Variants in SPEN observed in about 807,000 individuals in gnomAD.
The protein encoded by SPEN is spen family transcriptional repressor.
SPEN carries 18 observed loss-of-function variants against 269.9 expected under a neutral mutation model. The observed-to-expected ratio is 0.07, with a 90% CI of 0.05 to 0.10. The LOEUF is 0.10. Ranked by LOEUF, SPEN falls within the 10% of genes least tolerant of loss-of-function variation. The pLI is 1.00. For synonymous variants in SPEN, 1,726 were observed against 1,765.7 expected, an observed-to-expected ratio of 0.98 and a Z score of 0.56; for missense variants, 3,822 against 4,631.2, an observed-to-expected ratio of 0.83 and a Z score of 5.07.
chr1:15,935,708 C>G lies in SPEN; in HGVS notation c.9468C>G (p.Pro3156=), dbSNP rs778229212. The G allele has an allele frequency of 1.3e-5, 21 of 1,613,274 alleles. No individual in the cohort carries two copies. The highest frequency in any genetic ancestry group is 5.3e-5 in the African/African-American group (4 of 74,896). ...CTGCACTGGCCTCCCAGCACCCTCC[C>G]GAGGAGGAAGTGCATTATCACCTTC... ...GVPALASQHP[P]EEEVHYHLPV... is the part of the protein sequence containing the mutation. Residue 3156 remains proline, a synonymous_variant, in exon 11 of 15, where the codon CCC becomes CCG. Transcript: ENST00000375759. The surrounding 1 kb of genome is among the most constrained non-coding windows in gnomAD (Gnocchi z 7.7).
intron 1 of SPEN, among the ~76,000 whole-genome samples, chr1:15,851,392 T>C (rs1426576790): frequency 6.6e-6 from 1 of 152,190 alleles, no homozygotes; most frequent in Non-Finnish European, 1.5e-5. Flanking sequence ...TAACAAAGAT[T>C]CATTACAGGG....
At chr1:15,884,032 G>C (rs900163559) in intron 3 of SPEN, among the ~76,000 whole-genome samples, 2 of 151,922 alleles carry the variant, frequency 1.3e-5, no homozygotes, top group Non-Finnish European at 2.9e-5. Context: ...GGATGGTCTC[G>C]ATCTCCTGAC....
chr1:15,851,002 T>G (rs2070330326), intron 1 of SPEN, among the ~76,000 whole-genome samples: 1 of 152,198 alleles, frequency 6.6e-6, no homozygotes, highest in South Asian at 2.1e-4. Flanking sequence ...TAACAGTGAT[T>G]AGGCTTTTGT....
At chr1:15,922,844 G>A (rs1215744059) in intron 10 of SPEN, among the ~76,000 whole-genome samples, 1 of 152,014 alleles carries the variant, frequency 6.6e-6, no homozygotes, top group Non-Finnish European at 1.5e-5. Flanking sequence ...GAACTCCTGG[G>A]CTCAAGCATT....
At chr1:15,873,770 A>C (rs1557739011) in intron 2 of SPEN, 2 of 1,019,100 alleles carry the variant, frequency 2.0e-6, no homozygotes, top group Non-Finnish European at 2.4e-6. Flanking sequence ...TCTTTGATGG[A>C]ATGGGGAAAA....
chr1:15,896,765 AT>A (rs2070845603), intron 3 of SPEN, among the ~76,000 whole-genome samples: 1 of 152,162 alleles, frequency 6.6e-6, no homozygotes, highest in African/African-American at 2.4e-5. Context: ...CAGAGGAAAA[AT>A]TACTAGCTTG....
chr1:15,890,557 G>GATTTTTTT (rs1253450395), intron 3 of SPEN, among the ~76,000 whole-genome samples: 1 of 139,462 alleles, frequency 7.2e-6, no homozygotes. Context: ...TTTTGACTCA[G>GATTTTTTT]GTTTTTTTTT....
In SPEN at chr1:15,933,081, T is replaced by C. The variant is rs779299660; in HGVS notation, c.6841T>C (p.Ser2281Pro). 4 of 1,613,898 alleles carry C rather than the reference T, an allele frequency of 2.5e-6. No homozygotes were observed. Among genetic ancestry groups the C allele is most frequent in the Non-Finnish European group, 3.4e-6 (4 of 1,179,966 alleles). Residue 2281 changes from serine (S) to proline (P), a missense_variant, in exon 11 of 15, where the codon TCT becomes CCT. By Grantham distance (74) the Ser-to-Pro change is moderately conservative. Transcript: ENST00000375759. This position sits in a 1 kb window ranked among gnomAD's most constrained non-coding sequence, Gnocchi z 5.7. ...CCTGGAAACTGAGGCTGCTACAGAA[T>C]CTTCTAGGCCTCCAGTCAATGCTCC... Reference protein sequence around the residue: ...GILETEAATESSRPPVNAPDP... With the variant: ...GILETEAATEPSRPPVNAPDP...
chr1:15,859,353 C>CTTTTCTTTTTTTTTTTTTTTTTTT (rs2070418830), intron 1 of SPEN, among the ~76,000 whole-genome samples: 2 of 105,198 alleles, frequency 1.9e-5, no homozygotes, highest in Non-Finnish European at 3.9e-5. Flanking sequence ...TTTTCTTTTT[C>CTTTTCTTTTTTTTTTTTTTTTTTT]TTTTCTTTTT....
rs192356742 is a variant in SPEN, at chr1:15,912,842, T to G, written c.1243+1541T>G. 1.1e-3 allele frequency among the ~76,000 whole-genome samples: 169 copies of G among 152,278 alleles called. 1 individual carries two copies. Among genetic ancestry groups the G allele is most frequent in the African/African-American group, 3.8e-3 (157 of 41,554 alleles). On this transcript the variant is annotated intron_variant, in intron 5 of 14. Transcript: ENST00000375759. ...ATATGTTTCTAGAGCCAATTATAAT[T>G]ATTAAGTAAGGAGGATCTCATCCAG...
intron 3 of SPEN, among the ~76,000 whole-genome samples, chr1:15,880,453 CTTTTT>C (rs371820417): frequency 2.7e-5 from 3 of 110,976 alleles, no homozygotes; most frequent in Admixed American, 9.5e-5. Context: ...GTAATTATAG[CTTTTT>C]TTTTTTTTTT....
At chr1:15,909,269 T>C in intron 3 of SPEN, 52 bp from the exon 4 acceptor site, 1 of 1,568,462 alleles carries the variant, frequency 6.4e-7, no homozygotes, top group Non-Finnish European at 8.6e-7. Flanking sequence ...CTAATGCTGC[T>C]CATTTTCTGT....
chr1:15,907,041 G>A (rs2070963974), intron 3 of SPEN, among the ~76,000 whole-genome samples: 1 of 152,012 alleles, frequency 6.6e-6, no homozygotes, highest in Non-Finnish European at 1.5e-5. Flanking sequence ...AAAGTAGTGG[G>A]ATTACAGGAA....
At position 15,932,744 on chromosome 1, in the gene SPEN, G is replaced by A; in HGVS notation, c.6504G>A (p.Gln2168=). ...PSPEATQLAK[Q]MELEQAVEHI... The stretch of plus-strand genomic sequence containing the variant: ...CAGAAGCCACCCAGTTAGCCAAGCA[G>A]ATGGAGCTGGAGCAGGCCGTGGAAC... Residue 2168 remains glutamine, a synonymous_variant, in exon 11 of 15, where the codon CAG becomes CAA. Coordinates refer to ENST00000375759, the MANE Select transcript of SPEN (RefSeq NM_015001.3). The surrounding 1 kb of genome is among the most constrained non-coding windows in gnomAD (Gnocchi z 4.2). 6.2e-7 allele frequency: 1 copy of A among 1,614,218 alleles called. No individual in the cohort carries two copies. The highest frequency in any genetic ancestry group is 8.5e-7 in the Non-Finnish European group (1 of 1,180,036).
intron 3 of SPEN, among the ~76,000 whole-genome samples, chr1:15,890,291 A>G (rs531983213): frequency 6.6e-6 from 1 of 151,948 alleles, no homozygotes; most frequent in East Asian, 1.9e-4. Context: ...TTTATTTTTC[A>G]TGTGATCTAG....
At chr1:15,859,905 CTTTTTTTTTTTTTT>C (rs34195453) in intron 1 of SPEN, among the ~76,000 whole-genome samples, 1 of 79,620 alleles carries the variant, frequency 1.3e-5, no homozygotes, top group Non-Finnish European at 2.1e-5. Context: ...CAGTTAACAT[CTTTTTTTTTTTTTT>C]TTTTTTTTTT....
In SPEN at chr1:15,939,275, T is replaced by C. The variant is rs1460517157; in HGVS notation, c.10864-21T>C. On this transcript the variant is annotated intron_variant, in intron 14 of 14. Transcript: ENST00000375759. This position sits in a 1 kb window ranked among gnomAD's most constrained non-coding sequence, Gnocchi z 4.1. Reference sequence around the variant, plus strand: ...GGGGTGAAGACAGACGGTCCCACTTTGCTCTCTATCCTGTCTCCAGCCTGC... The same window carrying C: ...GGGGTGAAGACAGACGGTCCCACTTCGCTCTCTATCCTGTCTCCAGCCTGC... 2 of 1,548,502 alleles carry C rather than the reference T, an allele frequency of 1.3e-6. No homozygotes were observed. Among genetic ancestry groups the C allele is most frequent in the South Asian group, 1.2e-5 (1 of 82,238 alleles).
chr1:15,933,082 C>T lies in SPEN; in HGVS notation c.6842C>T (p.Ser2281Phe). ...GILETEAATESSRPPVNAPDP... is the reference protein window; with the variant it reads ...GILETEAATEFSRPPVNAPDP... ...CTGGAAACTGAGGCTGCTACAGAAT[C>T]TTCTAGGCCTCCAGTCAATGCTCCT... The change falls in exon 11 of 15, where the codon TCT (serine) becomes TTT (phenylalanine). Residue 2281 changes from serine (S) to phenylalanine (F), a missense_variant. Ser to Phe is a radical substitution (Grantham distance 155, BLOSUM62 -2). Transcript: ENST00000375759. This position sits in a 1 kb window ranked among gnomAD's most constrained non-coding sequence, Gnocchi z 5.7. 1 of 1,614,162 alleles carries T rather than the reference C, an allele frequency of 6.2e-7. No individual in the cohort carries two copies. Among genetic ancestry groups the T allele is most frequent in the Non-Finnish European group, 8.5e-7 (1 of 1,179,978 alleles).
chr1:15,867,041 T>C (rs2070521483), intron 1 of SPEN, among the ~76,000 whole-genome samples: 1 of 152,178 alleles, frequency 6.6e-6, no homozygotes, highest in African/African-American at 2.4e-5. Flanking sequence ...AATTCAGCTG[T>C]TTTTAATATA....
Sources: gnomAD v4.1 joint callset for allele counts (sites outside exome capture counted in the v4.1 genomes callset) on GRCh38, gnomAD v4.1.1 for gene constraint, Gnocchi (gnomAD v3.1) non-coding constraint, MANE v1.5 for transcripts, NCBI Gene and HGNC (gene_info 2026-07-23, HGNC 2026-07-21) for gene names.